The following AGK variants were observed in gnomAD, a reference collection of about 807,000 sequenced individuals.
AGK encodes the protein acylglycerol kinase, mitochondrial.
AGK carries 52 observed loss-of-function variants against 66.4 expected under a neutral mutation model. That is an observed-to-expected ratio of 0.78 (90% CI 0.63 to 0.99). The LOEUF is 0.99. Among genes scored for constraint, AGK ranks in the 50% least tolerant of loss-of-function variants. AGK has a pLI of 0.00. For missense variants in AGK, 451 were observed against 506.6 expected (o/e 0.89, Z 1.05); for synonymous variants, 182 against 181.1 (o/e 1.00, Z -0.04).
Position 141,555,539 on chromosome 7 carries a change from G to A in AGK, c.73G>A (p.Gly25Arg), listed in dbSNP as rs1362045687. 6.2e-7 allele frequency: 1 copy of A among 1,613,992 alleles called. No homozygotes were observed. The change falls in exon 2 of 16, where the codon GGA becomes AGA. Residue 25 changes from glycine to arginine, a missense_variant. By Grantham distance (125) the Gly-to-Arg change is moderately radical. Transcript: ENST00000649286. This position sits in a 1 kb window ranked among gnomAD's most constrained non-coding sequence, Gnocchi z 4.2. The part of the protein sequence containing the change: ...TTAGLCLLTW[G>R]GHWLYGKHCD... ...AGCTGGGCTCTGCCTGCTGACCTGGGGAGGCCATTGGCTCTATGGAAAACA... is the reference window on the plus strand; with the variant it reads ...AGCTGGGCTCTGCCTGCTGACCTGGAGAGGCCATTGGCTCTATGGAAAACA...
At chr7:141,592,747 G>A (rs188933286) in intron 2 of AGK, among the ~76,000 whole-genome samples, 10 of 151,674 alleles carry the variant, frequency 6.6e-5, no homozygotes, top group Admixed American at 2.6e-4. Flanking sequence ...TCTGTCGCCC[G>A]GGCTGGAGTG....
chr7:141,619,072 AC>A (rs943426048), intron 8 of AGK, among the ~76,000 whole-genome samples: 1 of 152,130 alleles, frequency 6.6e-6, no homozygotes, highest in African/African-American at 2.4e-5. Context: ...AAATAGAGAT[AC>A]TTCTGTGTTC....
In AGK at chr7:141,654,402, TAAC is replaced by T. The variant is rs1797639619; in HGVS notation, c.*1481_*1483del. The T allele has an allele frequency of 6.6e-6, 1 of 152,366 alleles. No homozygotes were observed. The highest frequency in any genetic ancestry group is 2.4e-5 in the African/African-American group (1 of 41,598). The allele number at this position is 152,366 out of a possible 1,614,324, so 9.4% of individuals were successfully genotyped here. ...TAAATTCGATGGAATAGAATTACGT[TAAC>T]AATGTTTTTACAGTTCTTTGGATTC... On this transcript the variant is annotated 3_prime_UTR_variant, in exon 16 of 16. Coordinates refer to ENST00000649286, the MANE Select transcript of AGK (RefSeq NM_018238.4).
intron 2 of AGK, among the ~76,000 whole-genome samples, chr7:141,591,168 A>G (rs1325432763): frequency 1.5e-5 from 2 of 135,068 alleles, no homozygotes; most frequent in African/African-American, 2.8e-5. Flanking sequence ...TCTTGGCTCA[A>G]TGCAACCTCC....
chr7:141,559,119 C>T (rs563426634), intron 2 of AGK, among the ~76,000 whole-genome samples: 24 of 152,126 alleles, frequency 1.6e-4, no homozygotes, highest in African/African-American at 5.3e-4. Context: ...TTTTTAGTTT[C>T]GTTAAGGCCC....
At chr7:141,649,123 G>T in intron 13 of AGK, 140 bp from the exon 14 acceptor site, 1 of 419,834 alleles carries the variant, frequency 2.4e-6, no homozygotes. Flanking sequence ...ATTGAAAATA[G>T]GTTTGGAATT....
intron 2 of AGK, among the ~76,000 whole-genome samples, chr7:141,560,160 T>A (rs1795309781): frequency 6.6e-6 from 1 of 152,124 alleles, no homozygotes; most frequent in Non-Finnish European, 1.5e-5. Flanking sequence ...TTATTCCTGA[T>A]CTTAGAAGAA....
chr7:141,602,580 C>T (rs543490342), intron 5 of AGK, among the ~76,000 whole-genome samples: 2 of 151,622 alleles, frequency 1.3e-5, no homozygotes, highest in Admixed American at 6.6e-5. Context: ...TCTCTTTTTC[C>T]CCTCAGTAAT....
chr7:141,635,712 G>A (rs558881124), intron 10 of AGK, among the ~76,000 whole-genome samples: 1 of 152,100 alleles, frequency 6.6e-6, no homozygotes, highest in East Asian at 1.9e-4. Flanking sequence ...TTTGTACCCT[G>A]ACTTTATTCT....
chr7:141,551,989 C>CT (rs1795100601), intron 1 of AGK, among the ~76,000 whole-genome samples: 1 of 152,180 alleles, frequency 6.6e-6, no homozygotes, highest in South Asian at 2.1e-4. Flanking sequence ...ACCTACCACT[C>CT]AAATCTAAAT....
intron 2 of AGK, among the ~76,000 whole-genome samples, chr7:141,576,918 T>C (rs1432268436): frequency 1.3e-5 from 2 of 151,972 alleles, no homozygotes; most frequent in Non-Finnish European, 2.9e-5. Context: ...CGGGCACCTG[T>C]AGTCCCAGCT....
intron 2 of AGK, among the ~76,000 whole-genome samples, chr7:141,570,113 C>T (rs1390127679): frequency 3.3e-5 from 5 of 152,264 alleles, no homozygotes; most frequent in South Asian, 2.1e-4. Context: ...TTAGGCCAGG[C>T]GCAGTGGCTC....
intron 2 of AGK, among the ~76,000 whole-genome samples, chr7:141,573,143 C>T (rs557343463): frequency 2.4e-4 from 36 of 152,202 alleles, no homozygotes; most frequent in African/African-American, 7.9e-4. Context: ...TTATCTTTTT[C>T]TCTCTGTGCA....
chr7:141,611,732 G>T (rs1796594594), intron 6 of AGK, among the ~76,000 whole-genome samples: 1 of 152,078 alleles, frequency 6.6e-6, no homozygotes, highest in Non-Finnish European at 1.5e-5. Flanking sequence ...ATAGGAAGAG[G>T]TATACATGTT....
In AGK at chr7:141,652,923, G is replaced by T. The variant is rs1461844226; in HGVS notation, c.1268G>T (p.Ter423LeuextTer12). ...CAGATGCTCACAAGCCCCACCCAGT[G>T]AGCAGCAGAAGACAAGCACTCTGAG... ...REQMLTSPTQ[*>L] The change falls in exon 16 of 16, where the codon TGA becomes TTA. Residue 423 changes from the stop codon to leucine, a stop_lost. Coordinates refer to ENST00000649286, the MANE Select transcript of AGK (RefSeq NM_018238.4). 6.2e-7 allele frequency: 1 copy of T among 1,613,762 alleles called. No homozygotes were observed. Among genetic ancestry groups the T allele is most frequent in the African/African-American group, 1.3e-5 (1 of 74,876 alleles).
intron 8 of AGK, among the ~76,000 whole-genome samples, chr7:141,619,012 T>C (rs1160747237): frequency 6.6e-6 from 1 of 152,132 alleles, no homozygotes; most frequent in African/African-American, 2.4e-5. Flanking sequence ...GTAAGATTTA[T>C]ATGATGGAAA....
At chr7:141,635,573 C>G (rs771857352) in intron 10 of AGK, among the ~76,000 whole-genome samples, 1 of 152,176 alleles carries the variant, frequency 6.6e-6, no homozygotes, top group Non-Finnish European at 1.5e-5. Context: ...TGGATTATAT[C>G]TAAGCTCTTT....
chr7:141,569,525 C>T (rs1171438563), intron 2 of AGK, among the ~76,000 whole-genome samples: 4 of 152,088 alleles, frequency 2.6e-5, no homozygotes, highest in African/African-American at 9.7e-5. Context: ...CAGAGCAGGA[C>T]TCTGTCTCAA....
chr7:141,607,243 GGC>G (rs1476176912), intron 5 of AGK, among the ~76,000 whole-genome samples: 1 of 151,998 alleles, frequency 6.6e-6, no homozygotes, highest in East Asian at 1.9e-4. Context: ...CGTTCAAAGT[GGC>G]TGTACCATTT....
Sources: gnomAD v4.1 joint callset for allele counts (sites outside exome capture counted in the v4.1 genomes callset) on GRCh38, gnomAD v4.1.1 for gene constraint, Gnocchi (gnomAD v3.1) non-coding constraint, MANE v1.5 for transcripts, NCBI Gene and HGNC (gene_info 2026-07-23, HGNC 2026-07-21) for gene names.